RPS6KB1: variants seen among roughly 807,000 people sequenced by gnomAD.
The protein encoded by RPS6KB1 is ribosomal protein S6 kinase beta-1.
Under a neutral mutation model 70.2 loss-of-function variants are expected in RPS6KB1, and 12 were observed. That is an observed-to-expected ratio of 0.17 (90% CI 0.11 to 0.28). The LOEUF (loss-of-function observed/expected upper bound fraction) is 0.28, where lower values mean the gene tolerates loss of function less well. RPS6KB1 is among the 10% of genes least tolerant of loss of function. The pLI, the probability that RPS6KB1 is intolerant of heterozygous loss-of-function variation, is 1.00. For missense variants in RPS6KB1, 270 were observed against 646.6 expected (o/e 0.42, Z 6.32); for synonymous variants, 175 against 211.2 (o/e 0.83, Z 1.49).
chr17:59,931,601 T>G, intron 6 of RPS6KB1, 21 bp from the exon 7 acceptor site: 1 of 1,573,416 alleles, frequency 6.4e-7, no homozygotes, highest in Non-Finnish European at 8.7e-7. Flanking sequence ...TTTAATTTTA[T>G]TAAATCACTT....
intron 1 of RPS6KB1, among the ~76,000 whole-genome samples, chr17:59,898,462 T>C (rs2041699880): frequency 6.6e-6 from 1 of 152,134 alleles, no homozygotes; most frequent in South Asian, 2.1e-4. Flanking sequence ...TTTTATTTTT[T>C]ATTTTTTTGA....
intron 4 of RPS6KB1, among the ~76,000 whole-genome samples, chr17:59,924,473 T>A (rs1196994727): frequency 6.6e-6 from 1 of 152,210 alleles, no homozygotes; most frequent in Admixed American, 6.5e-5. Flanking sequence ...TTTTATTTTA[T>A]TTTTGGAACT....
chr17:59,922,198 G>A (rs1475493494), intron 4 of RPS6KB1, among the ~76,000 whole-genome samples: 1 of 151,798 alleles, frequency 6.6e-6, no homozygotes, highest in African/African-American at 2.4e-5. Context: ...CTCCTACCAC[G>A]CCTGCCTAAT....
At chr17:59,913,504 A>T (rs1046003818) in intron 3 of RPS6KB1, among the ~76,000 whole-genome samples, 1 of 152,228 alleles carries the variant, frequency 6.6e-6, no homozygotes, top group South Asian at 2.1e-4. Flanking sequence ...CAACACATGC[A>T]CTTTGAATCT....
Position 59,936,202 on chromosome 17 carries a change from T to C in RPS6KB1, c.979-13T>C. On this transcript the variant is annotated splice_polypyrimidine_tract_variant and intron_variant, in intron 10 of 14. Transcript: ENST00000225577. ...CTAAGGTTCTTTATCCAAGCTTTTT[T>C]TCCTCTTTAAAGCTGCTGAAAAGAA... The C allele has an allele frequency of 1.3e-6, 2 of 1,590,834 alleles. No homozygotes were observed. Among genetic ancestry groups the C allele is most frequent in the Non-Finnish European group, 1.7e-6 (2 of 1,174,236 alleles).
intron 13 of RPS6KB1, among the ~76,000 whole-genome samples, chr17:59,943,217 G>T (rs2044718880): frequency 1.3e-5 from 2 of 152,264 alleles, no homozygotes; most frequent in Admixed American, 1.3e-4. Context: ...CGGCATCTCT[G>T]TTAGTAAAAT....
intron 5 of RPS6KB1, among the ~76,000 whole-genome samples, chr17:59,929,265 G>C (rs989069193): frequency 6.6e-6 from 1 of 151,832 alleles, no homozygotes; most frequent in African/African-American, 2.4e-5. Flanking sequence ...CAGGTAGCTG[G>C]GATTACAGGC....
At position 59,947,902 on chromosome 17, in the gene RPS6KB1, C is replaced by T. The variant is rs2045022156; in HGVS notation, c.*1114C>T. ...ATTGGTAAGATTTTCAGTTTTACTT[C>T]TTTCTACTGTTTCTGCTGTCTACCT... On this transcript the variant is annotated 3_prime_UTR_variant, in exon 15 of 15. Coordinates refer to ENST00000225577, the MANE Select transcript of RPS6KB1 (RefSeq NM_003161.4). The T allele has an allele frequency of 3.0e-6, 1 of 338,612 alleles. No individual in the cohort carries two copies. The highest frequency in any genetic ancestry group is 1.5e-4 in the South Asian group (1 of 6,828). The allele number at this position is 338,612 out of a possible 1,614,324, so 21.0% of individuals were successfully genotyped here.
At chr17:59,943,663 G>T (rs189494071) in intron 13 of RPS6KB1, among the ~76,000 whole-genome samples, 2 of 151,976 alleles carry the variant, frequency 1.3e-5, no homozygotes, top group Admixed American at 1.3e-4. Flanking sequence ...CGGATCACAA[G>T]GTCAGGAGTT....
chr17:59,916,588 C>T (rs2042976670), intron 4 of RPS6KB1, among the ~76,000 whole-genome samples: 1 of 152,156 alleles, frequency 6.6e-6, no homozygotes, highest in South Asian at 2.1e-4. Flanking sequence ...TCTATCAGTT[C>T]CATTTATTTC....
intron 13 of RPS6KB1, among the ~76,000 whole-genome samples, chr17:59,943,887 AAAT>A (rs1284810823): frequency 8.0e-6 from 1 of 125,482 alleles, no homozygotes; most frequent in East Asian, 2.4e-4. Context: ...AAAAAAAAAA[AAAT>A]TATATATATA....
intron 4 of RPS6KB1, among the ~76,000 whole-genome samples, chr17:59,923,293 G>C (rs1331235937): frequency 6.6e-6 from 1 of 151,938 alleles, no homozygotes; most frequent in Non-Finnish European, 1.5e-5. Context: ...CCAGGTTCCA[G>C]TCATTCTCGT....
At chr17:59,939,148 TC>T (rs2044431205) in intron 12 of RPS6KB1, among the ~76,000 whole-genome samples, 1 of 152,196 alleles carries the variant, frequency 6.6e-6, no homozygotes. Flanking sequence ...ATGAATTAGT[TC>T]CCTAGCATCT....
chr17:59,898,746 C>T (rs1221896272), intron 1 of RPS6KB1, among the ~76,000 whole-genome samples: 1 of 151,816 alleles, frequency 6.6e-6, no homozygotes, highest in Non-Finnish European at 1.5e-5. Flanking sequence ...CATGAGCCAC[C>T]GTGCCCGGCC....
chr17:59,945,118 T>C, intron 13 of RPS6KB1: 1 of 232,808 alleles, frequency 4.3e-6, no homozygotes, highest in South Asian at 9.7e-5. Context: ...AACATCTTCA[T>C]ATGGAGCCTG....
rs1395347585 is a variant in RPS6KB1 at position 59,893,624 on chromosome 17, C to T, written c.141+299C>T. Among the ~76,000 whole-genome samples, 1 of 152,052 alleles carries T rather than the reference C, an allele frequency of 6.6e-6. No homozygotes were observed. The highest frequency in any genetic ancestry group is 1.9e-4 in the East Asian group (1 of 5,184). On this transcript the variant is annotated intron_variant, in intron 1 of 14. Transcript: ENST00000225577. The surrounding 1 kb of genome is among the most constrained non-coding windows in gnomAD (Gnocchi z 4.1). Reference sequence around the variant, plus strand: ...CTCGAGCTGTTGGACTTGAGTGTGGCGGGGAGCGGGTGGCGTGAGCGTGTG... The same window carrying T: ...CTCGAGCTGTTGGACTTGAGTGTGGTGGGGAGCGGGTGGCGTGAGCGTGTG...
intron 5 of RPS6KB1, among the ~76,000 whole-genome samples, chr17:59,929,318 A>T (rs747216832): frequency 6.6e-6 from 1 of 151,856 alleles, no homozygotes; most frequent in African/African-American, 2.4e-5. Context: ...TTTAATAGAG[A>T]TCACCCCTGA....
In RPS6KB1 at chr17:59,893,225, C is replaced by T; in HGVS notation, c.41C>T (p.Pro14Leu). ...AGGCGGGACGGCTTTTACCCAGCCC[C>T]GGACTTCCGAGACAGGGAAGCTGAG... Reference protein sequence around the residue: ...RRRRDGFYPAPDFRDREAEDM... With the variant: ...RRRRDGFYPALDFRDREAEDM... The change falls in exon 1 of 15, where the codon CCG becomes CTG. Residue 14 changes from proline (P) to leucine (L), a missense_variant. Physicochemically the swap from Pro to Leu is moderately conservative, Grantham distance 98. Transcript: ENST00000225577. The surrounding 1 kb of genome is among the most constrained non-coding windows in gnomAD (Gnocchi z 4.1). 1.9e-6 allele frequency: 3 copies of T among 1,611,524 alleles called. No homozygotes were observed. Among genetic ancestry groups the T allele is most frequent in the South Asian group, 2.2e-5 (2 of 90,550 alleles).
intron 10 of RPS6KB1, among the ~76,000 whole-genome samples, chr17:59,935,972 A>C (rs2044208022): frequency 6.6e-6 from 1 of 151,364 alleles, no homozygotes; most frequent in Admixed American, 6.6e-5. Flanking sequence ...CCACCACGCC[A>C]GGCTAATTTT....
Sources: allele counts gnomAD v4.1 joint callset (sites outside exome capture counted in the v4.1 genomes callset), GRCh38; gene constraint gnomAD v4.1.1; non-coding constraint Gnocchi (gnomAD v3.1); transcripts MANE v1.5; gene names NCBI Gene and HGNC (gene_info 2026-07-23, HGNC 2026-07-21).